TBCD: variants seen among roughly 807,000 people sequenced by gnomAD.
TBCD encodes tubulin-specific chaperone D.
TBCD carries 105 observed loss-of-function variants against 169.3 expected under a neutral mutation model. That is an observed-to-expected ratio of 0.62 (90% CI 0.53 to 0.73). The LOEUF is 0.73. Among genes scored for constraint, TBCD ranks in the 30% least tolerant of loss-of-function variants. The probability of loss-of-function intolerance (pLI) is 0.00; values close to 1 mark genes in which losing one functional copy is unlikely to be tolerated. For synonymous variants in TBCD, 700 were observed against 643.9 expected, an observed-to-expected ratio of 1.09 and a Z score of -1.32; for missense variants, 1,444 against 1,600.1, an observed-to-expected ratio of 0.90 and a Z score of 1.66.
chr17:82,931,846 C>G (rs2062239366), intron 33 of TBCD: 1 of 152,298 alleles, frequency 6.6e-6, no homozygotes, highest in South Asian at 2.1e-4. Context: ...AGGCGAATGT[C>G]TAGCTTTGGA....
At chr17:82,826,892 C>T (rs2052896356) in intron 13 of TBCD, among the ~76,000 whole-genome samples, 2 of 152,214 alleles carry the variant, frequency 1.3e-5, no homozygotes, top group Admixed American at 1.3e-4. Context: ...CCTCCCGCCT[C>T]AGCCTCCCAA....
In TBCD at chr17:82,789,969, C is replaced by T. The variant is rs2049585380; in HGVS notation, c.772-7788C>T. On this transcript the variant is annotated intron_variant, in intron 7 of 38. Transcript: ENST00000355528. This position sits in a 1 kb window ranked among gnomAD's most constrained non-coding sequence, Gnocchi z 4.8. ...TCATCCCCGAGACGCCGTGTTCCCT[C>T]CCGCTGTCCGCTCACACCTGCCTGT... Among the ~76,000 whole-genome samples the T allele has an allele frequency of 1.3e-5, 2 of 152,244 alleles. No homozygotes were observed. The highest frequency in any genetic ancestry group is 2.9e-5 in the Non-Finnish European group (2 of 68,038).
Position 82,831,130 on chromosome 17 carries a change from A to C in TBCD, c.1318+16196A>C, listed in dbSNP as rs1198452679. The C allele has an allele frequency of 6.2e-7, 1 of 1,614,076 alleles. No individual in the cohort carries two copies. The highest frequency in any genetic ancestry group is 8.5e-7 in the Non-Finnish European group (1 of 1,180,016). ...TTGCTCTGGCGGGTAGAGTCTTCCC[A>C]GTGCGCTGGAGGCTGCCTTGTTGGA... On this transcript the variant is annotated intron_variant, in intron 13 of 38. Coordinates refer to ENST00000355528, the MANE Select transcript of TBCD (RefSeq NM_005993.5). The surrounding 1 kb of genome is among the most constrained non-coding windows in gnomAD (Gnocchi z 4.6).
intron 5 of TBCD, among the ~76,000 whole-genome samples, chr17:82,769,404 C>T (rs1373008097): frequency 6.6e-6 from 1 of 152,194 alleles, no homozygotes; most frequent in East Asian, 1.9e-4. Flanking sequence ...TCACCGAGTC[C>T]AGCCTACGCA....
intron 13 of TBCD, chr17:82,865,399 A>AGGGAG (rs2057097521): frequency 6.6e-6 from 6 of 915,004 alleles, no homozygotes; most frequent in Non-Finnish European, 7.8e-6. Flanking sequence ...CCATCGTGGG[A>AGGGAG]GGGAGGCTCA....
In TBCD at chr17:82,764,027, C is replaced by T. The variant is rs369135151; in HGVS notation, c.298C>T (p.His100Tyr). ...TCAGACATCTCCAGCTTCCCTTGTA[C>T]ATCTGGCTTTTAAATTTCTTTACAT... ...QDQTSPASLV[H>Y]LAFKFLYIIT... Residue 100 changes from histidine to tyrosine, a missense_variant, in exon 3 of 39, where the codon CAT (histidine) becomes TAT (tyrosine). Transcript: ENST00000355528. 1.7e-5 allele frequency: 28 copies of T among 1,613,794 alleles called. No homozygotes were observed. Among genetic ancestry groups the T allele is most frequent in the African/African-American group, 6.7e-5 (5 of 74,950 alleles).
At chr17:82,899,485 C>T (rs778556622) in intron 17 of TBCD, among the ~76,000 whole-genome samples, 43 of 152,372 alleles carry the variant, frequency 2.8e-4, no homozygotes, top group Non-Finnish European at 3.4e-4. Context: ...CGTGTGTCTG[C>T]ACCTCCTTTT....
chr17:82,940,217 G>GCACACACACACACACACA (rs576338657), intron 37 of TBCD, among the ~76,000 whole-genome samples: 4 of 101,450 alleles, frequency 3.9e-5, no homozygotes, highest in East Asian at 3.1e-4. Context: ...TCACTTGCAC[G>GCACACACACACACACACA]CGCGCACACA....
chr17:82,899,363 C>CGTCCTCAGCGCGTCCTCAGCGCACGT (rs1567989206), intron 17 of TBCD, among the ~76,000 whole-genome samples: 1 of 150,158 alleles, frequency 6.7e-6, no homozygotes, highest in East Asian at 2.0e-4. Context: ...GTCCGCAGTG[C>CGTCCTCAGCGCGTCCTCAGCGCACGT]GTCCTCAGCG....
At chr17:82,775,818 C>A (rs1451581900) in intron 6 of TBCD, among the ~76,000 whole-genome samples, 1 of 151,704 alleles carries the variant, frequency 6.6e-6, no homozygotes, top group South Asian at 2.1e-4. Flanking sequence ...GTGCAGCACA[C>A]CAGCATGGCA....
intron 13 of TBCD, among the ~76,000 whole-genome samples, chr17:82,853,398 C>G (rs981949923): frequency 1.4e-5 from 2 of 146,286 alleles, no homozygotes; most frequent in Non-Finnish European, 3.0e-5. Flanking sequence ...CAACACCCCC[C>G]CTCCTTTTTT....
intron 2 of TBCD, among the ~76,000 whole-genome samples, 167 bp downstream of exon 2, chr17:82,756,382 G>A (rs922270343): frequency 2.6e-5 from 4 of 152,146 alleles, no homozygotes; most frequent in African/African-American, 7.2e-5. Context: ...ATAGTGGCTT[G>A]AGTTCCAGAT....
chr17:82,898,423 C>G (rs1469329876), intron 17 of TBCD, among the ~76,000 whole-genome samples: 1 of 152,228 alleles, frequency 6.6e-6, no homozygotes, highest in African/African-American at 2.4e-5. Context: ...GCTGCAGACC[C>G]TGGGGCTTGG....
chr17:82,803,590 G>A (rs946612032), intron 9 of TBCD, among the ~76,000 whole-genome samples: 5 of 152,188 alleles, frequency 3.3e-5, no homozygotes, highest in African/African-American at 9.6e-5. Context: ...TCCTTGGTAC[G>A]GTGTAGAAAG....
Position 82,917,074 on chromosome 17 carries a change from C to T in TBCD, c.2039-3482C>T, listed in dbSNP as rs568797693. ...CTTGCTCTGTCACCAGGCTGGAGTG[C>T]GGTGGCACAATCTCAGCTCACTGCA... On this transcript the variant is annotated intron_variant, in intron 23 of 38. Coordinates refer to ENST00000355528, the MANE Select transcript of TBCD (RefSeq NM_005993.5). Among the ~76,000 whole-genome samples the T allele has an allele frequency of 3.6e-4, 45 of 123,912 alleles. No homozygotes were observed. The South Asian group carries it at 6.1e-3, about 17-fold the overall frequency. 81.3% of individuals were successfully genotyped at this position (123,912 alleles called of 152,430 possible).
chr17:82,831,611 T>C lies in TBCD; in HGVS notation c.1318+16677T>C. 2.5e-6 allele frequency: 4 copies of C among 1,614,146 alleles called. No individual in the cohort carries two copies. Among genetic ancestry groups the C allele is most frequent in the Non-Finnish European group, 3.4e-6 (4 of 1,180,008 alleles). On this transcript the variant is annotated intron_variant, in intron 13 of 38. Coordinates refer to ENST00000355528, the MANE Select transcript of TBCD (RefSeq NM_005993.5). This position sits in a 1 kb window ranked among gnomAD's most constrained non-coding sequence, Gnocchi z 4.6. The stretch of plus-strand genomic sequence containing the variant: ...GGCCCCGGGTGAGGCAGGAAGTGTC[T>C]CGGGTCTTGGGTTCCGTAGACTGAC...
Position 82,932,665 on chromosome 17 carries a change from G to C in TBCD, c.3121G>C (p.Val1041Leu), listed in dbSNP as rs767059052. 1 of 1,613,322 alleles carries C rather than the reference G, an allele frequency of 6.2e-7. No homozygotes were observed. Among genetic ancestry groups the C allele is most frequent in the South Asian group, 1.1e-5 (1 of 90,806 alleles). ...AGCTCCTTCTCCCCTCAGGGTGTCCGTGCCGCTGCTGAAGACGCTGGACCA... is the reference window on the plus strand; with the variant it reads ...AGCTCCTTCTCCCCTCAGGGTGTCCCTGCCGCTGCTGAAGACGCTGGACCA... The part of the protein sequence containing the change: ...EDNLLNERVS[V>L]PLLKTLDHVL... The change falls in exon 34 of 39, where the codon GTG becomes CTG. Residue 1041 changes from valine (V) to leucine (L), a missense_variant. Val to Leu is a conservative substitution (Grantham distance 32). Coordinates refer to ENST00000355528, the MANE Select transcript of TBCD (RefSeq NM_005993.5).
chr17:82,780,158 G>A (rs967747117), intron 6 of TBCD, among the ~76,000 whole-genome samples: 2 of 62,930 alleles, frequency 3.2e-5, no homozygotes, highest in African/African-American at 4.5e-5. Flanking sequence ...GAGTTCCCTT[G>A]GCTCCCTTCT....
chr17:82,937,688 G>C (rs2062749168), intron 35 of TBCD: 2 of 629,010 alleles, frequency 3.2e-6, no homozygotes, highest in Non-Finnish European at 2.7e-6. Context: ...GGTCGCTGTT[G>C]AGTGCCTTGC....
Sources: gnomAD v4.1 joint callset for allele counts (sites outside exome capture counted in the v4.1 genomes callset) on GRCh38, gnomAD v4.1.1 for gene constraint, Gnocchi (gnomAD v3.1) non-coding constraint, MANE v1.5 for transcripts, NCBI Gene and HGNC (gene_info 2026-07-23, HGNC 2026-07-21) for gene names.